The following ARID1B variants were observed in gnomAD, a reference collection of about 807,000 sequenced individuals.
ARID1B encodes AT-rich interaction domain 1B, also known as AT-rich interactive domain-containing protein 1B.
A neutral mutation model predicts 212.3 loss-of-function variants in ARID1B; 30 were observed. That is an observed-to-expected ratio of 0.14 (90% CI 0.11 to 0.19). ARID1B has a LOEUF of 0.19. Among genes scored for constraint, ARID1B ranks in the 10% least tolerant of loss-of-function variants. The pLI is 1.00. For missense variants in ARID1B, 2,891 were observed against 3,204.0 expected, an observed-to-expected ratio of 0.90 and a Z score of 2.36; for synonymous variants, 1,402 against 1,301.7, an observed-to-expected ratio of 1.08 and a Z score of -1.66.
intron 2 of ARID1B, among the ~76,000 whole-genome samples, chr6:156,898,496 A>G (rs1185427707): frequency 6.6e-6 from 1 of 152,092 alleles, no homozygotes; most frequent in East Asian, 1.9e-4. Context: ...CCAGAACTCA[A>G]AAGGAGCTGT....
chr6:156,993,278 G>A (rs542690203), intron 4 of ARID1B, among the ~76,000 whole-genome samples: 1 of 152,302 alleles, frequency 6.6e-6, no homozygotes, highest in Admixed American at 6.5e-5. Flanking sequence ...CTGACCTCAG[G>A]TGATCCACCA....
At chr6:156,822,270 C>T (rs1782403423) in intron 1 of ARID1B, among the ~76,000 whole-genome samples, 1 of 152,204 alleles carries the variant, frequency 6.6e-6, no homozygotes, top group Non-Finnish European at 1.5e-5. Flanking sequence ...GAAGTTCCAA[C>T]GTGTTAGTTC....
At chr6:157,056,369 TTGAC>T (rs1260984446) in intron 4 of ARID1B, among the ~76,000 whole-genome samples, 2 of 152,256 alleles carry the variant, frequency 1.3e-5, no homozygotes, top group African/African-American at 4.8e-5. Flanking sequence ...TGGAACATAT[TTGAC>T]TGACAACATT....
At chr6:156,824,164 G>A (rs1782583127) in intron 1 of ARID1B, among the ~76,000 whole-genome samples, 1 of 152,194 alleles carries the variant, frequency 6.6e-6, no homozygotes, top group Admixed American at 6.5e-5. Flanking sequence ...TTTGAATAAG[G>A]AGGAGGAAAG....
intron 9 of ARID1B, chr6:157,167,810 G>A (rs1016899237): frequency 6.6e-6 from 1 of 152,438 alleles, no homozygotes; most frequent in African/African-American, 2.4e-5. Context: ...AATATCAAGA[G>A]TGTCTGAGAC....
intron 1 of ARID1B, among the ~76,000 whole-genome samples, chr6:156,782,944 T>A (rs1779377819): frequency 6.6e-6 from 1 of 152,162 alleles, no homozygotes; most frequent in Admixed American, 6.5e-5. Flanking sequence ...AGTCCTGATT[T>A]TTGTGGTACA....
At chr6:156,815,662 A>G (rs1228250917) in intron 1 of ARID1B, among the ~76,000 whole-genome samples, 1 of 152,220 alleles carries the variant, frequency 6.6e-6, no homozygotes, top group African/African-American at 2.4e-5. Context: ...AGTGATTAAA[A>G]TCAATTTAAC....
chr6:156,888,834 G>A (rs1057366700), intron 2 of ARID1B, among the ~76,000 whole-genome samples: 4 of 152,152 alleles, frequency 2.6e-5, no homozygotes, highest in Admixed American at 6.5e-5. Context: ...AGAGTTTTAC[G>A]AAGTCATGTT....
chr6:157,085,657 C>G (rs1233211279), intron 5 of ARID1B, among the ~76,000 whole-genome samples: 3 of 151,942 alleles, frequency 2.0e-5, no homozygotes, highest in Non-Finnish European at 2.9e-5. Context: ...CTTCCAAAAT[C>G]ATGGGCGTTA....
chr6:156,894,652 T>C (rs1294132808), intron 2 of ARID1B, among the ~76,000 whole-genome samples: 2 of 152,246 alleles, frequency 1.3e-5, no homozygotes, highest in African/African-American at 2.4e-5. Context: ...CTTTTGTTCA[T>C]AGATTCTTTT....
intron 5 of ARID1B, among the ~76,000 whole-genome samples, chr6:157,104,094 C>T (rs569194442): frequency 1.3e-5 from 2 of 152,226 alleles, no homozygotes; most frequent in Admixed American, 1.3e-4. Flanking sequence ...CTTGGCCTCC[C>T]AAAGTGCTGG....
intron 1 of ARID1B, among the ~76,000 whole-genome samples, chr6:156,799,000 G>A (rs1040630316): frequency 6.6e-5 from 10 of 152,220 alleles, no homozygotes; most frequent in East Asian, 1.9e-4. Flanking sequence ...TGCTGCACAG[G>A]TGTGTATTTC....
chr6:157,020,393 T>G (rs1362556102), intron 4 of ARID1B, among the ~76,000 whole-genome samples: 2 of 152,200 alleles, frequency 1.3e-5, no homozygotes, highest in African/African-American at 2.4e-5. Flanking sequence ...GGGCAGATCT[T>G]TTTATTGCGA....
chr6:156,778,100 G>A lies in ARID1B; in HGVS notation c.420G>A (p.Ser140=), dbSNP rs2114962140. 3.2e-6 allele frequency: 5 copies of A among 1,540,708 alleles called. No individual in the cohort carries two copies. Among genetic ancestry groups the A allele is most frequent in the East Asian group, 2.5e-5 (1 of 40,736 alleles). Residue 140 remains serine, a synonymous_variant, in exon 1 of 20, where the codon TCG becomes TCA. Transcript: ENST00000636930. ...CTTCCTCCTCGTCGGGCCCGGGCTC[G>A]GCCATGGAGACGGGGCTGCTCCCCA... ...ASSSSSSGPG[S]AMETGLLPNH...
chr6:156,871,506 G>C (rs758184429), intron 2 of ARID1B: 31 of 920,582 alleles, frequency 3.4e-5, no homozygotes, highest in Non-Finnish European at 5.0e-5. Context: ...TTCTTGGAGT[G>C]ATTAAGTTGC....
At chr6:156,790,945 G>A (rs1181915192) in intron 1 of ARID1B, among the ~76,000 whole-genome samples, 4 of 152,168 alleles carry the variant, frequency 2.6e-5, no homozygotes, top group Non-Finnish European at 4.4e-5. Flanking sequence ...CTTTTATTAT[G>A]CATTAAGTTT....
At chr6:156,897,218 G>GCTGCTTCTTCTTCTTCTTCTTCTTCTT (rs1554264583) in intron 2 of ARID1B, among the ~76,000 whole-genome samples, 10 of 91,352 alleles carry the variant, frequency 1.1e-4, no homozygotes, top group African/African-American at 1.6e-4. Context: ...TGCTGCTGCT[G>GCTGCTTCTTCTTCTTCTTCTTCTTCTT]CTTCTTCTTC....
chr6:157,047,395 G>A (rs770406029), intron 4 of ARID1B, among the ~76,000 whole-genome samples: 2 of 152,186 alleles, frequency 1.3e-5, no homozygotes, highest in Non-Finnish European at 2.9e-5. Context: ...AGGAGTTCTT[G>A]GTGTAATAGG....
intron 4 of ARID1B, chr6:156,940,744 C>G (rs1792610667): frequency 6.6e-6 from 1 of 152,216 alleles, no homozygotes; most frequent in African/African-American, 2.4e-5. Flanking sequence ...TGCTGACATT[C>G]ATATGGATGT....
Sources: gnomAD v4.1 joint callset for allele counts (sites outside exome capture counted in the v4.1 genomes callset) on GRCh38, gnomAD v4.1.1 for gene constraint, MANE v1.5 for transcripts, NCBI Gene and HGNC (gene_info 2026-07-23, HGNC 2026-07-21) for gene names.